BFAR: variants seen among roughly 807,000 people sequenced by gnomAD.
BFAR encodes the protein RING finger protein 47.
BFAR carries 52 observed loss-of-function variants against 54.4 expected under a neutral mutation model. The ratio of observed to expected loss-of-function variants is 0.96; its 90% confidence interval spans 0.77 to 1.21. The LOEUF (loss-of-function observed/expected upper bound fraction) is 1.21. BFAR is among the 50% of genes most tolerant of loss of function. BFAR has a pLI of 0.00. For missense variants in BFAR, 571 were observed against 534.0 expected (o/e 1.07, Z -0.68); for synonymous variants, 215 against 204.3 (o/e 1.05, Z -0.45).
At position 14,635,029 on chromosome 16, in the gene BFAR, G is replaced by T. The variant is rs74817197; in HGVS notation, c.-74+2011G>T. 9.2e-3 allele frequency among the ~76,000 whole-genome samples: 1,401 copies of T among 152,206 alleles called. 24 individuals are homozygous for T. Among genetic ancestry groups the T allele is most frequent in the African/African-American group, 0.032 (1,311 of 41,522 alleles). On this transcript the variant is annotated intron_variant, in intron 1 of 7. Transcript: ENST00000261658. ...TTGTGTTACAGGTGAAGGGAACAAT[G>T]TGAGGATAAGGAAAAATGTCCAAGG...
intron 1 of BFAR, among the ~76,000 whole-genome samples, chr16:14,641,767 A>G (rs534067026): frequency 1.3e-5 from 2 of 151,714 alleles, no homozygotes; most frequent in Admixed American, 6.6e-5. Context: ...AGGCTGAGGC[A>G]GGAGAATCGC....
intron 5 of BFAR, among the ~76,000 whole-genome samples, chr16:14,658,022 AT>A (rs1960177310): frequency 6.6e-6 from 1 of 152,172 alleles, no homozygotes; most frequent in South Asian, 2.1e-4. Context: ...AAGCAGCTAC[AT>A]TGCCTGGGGA....
At chr16:14,660,602 A>T (rs1387933256) in intron 5 of BFAR, among the ~76,000 whole-genome samples, 7 of 90,878 alleles carry the variant, frequency 7.7e-5, no homozygotes, top group Admixed American at 1.3e-4. Flanking sequence ...TTTTTTTTTT[A>T]AAGAAACGAG....
In BFAR at chr16:14,668,838, A is replaced by G; in HGVS notation, c.*1011A>G. 5.7e-6 allele frequency: 1 copy of G among 174,034 alleles called. No homozygotes were observed. The highest frequency in any genetic ancestry group is 9.7e-5 in the South Asian group (1 of 10,296). 10.8% of individuals were successfully genotyped at this position (174,034 alleles called of 1,614,324 possible). A position where few individuals can be genotyped will look rare whatever the true frequency, so the allele number is the denominator to read the frequency against. On this transcript the variant is annotated 3_prime_UTR_variant, in exon 8 of 8. Transcript: ENST00000261658. ...GTGACAGAGGGAGACTCTGTCTTAA[A>G]AAAAAAAAAAAAATCATCTGTAAAA...
At chr16:14,638,284 G>A (rs1959515503) in intron 1 of BFAR, among the ~76,000 whole-genome samples, 2 of 152,224 alleles carry the variant, frequency 1.3e-5, no homozygotes, top group African/African-American at 2.4e-5. Context: ...TTGGGAGGCT[G>A]AGGTGGGAGG....
Position 14,644,259 on chromosome 16 carries a change from G to T in BFAR, c.-73-15G>T. ...TACTATTTGCCTTATTTTTGTCTCT[G>T]TTTTTTTTTTCTAGATTAATGATGT... On this transcript the variant is annotated splice_polypyrimidine_tract_variant and intron_variant, in intron 1 of 7. Transcript: ENST00000261658. 2 of 1,197,224 alleles carry T rather than the reference G, an allele frequency of 1.7e-6. No homozygotes were observed. 74.2% of individuals were successfully genotyped at this position (1,197,224 alleles called of 1,614,324 possible).
intron 5 of BFAR, among the ~76,000 whole-genome samples, chr16:14,660,508 C>T: frequency 6.7e-6 from 1 of 149,740 alleles, no homozygotes; most frequent in African/African-American, 2.4e-5. Flanking sequence ...TGGTCTCGAA[C>T]TCCTGACCTC....
At chr16:14,654,052 C>T (rs35514661) in intron 4 of BFAR, among the ~76,000 whole-genome samples, 12,271 of 145,508 alleles carry the variant, frequency 0.084, 618 homozygotes, top group East Asian at 0.18. Context: ...TGCTCTGTCA[C>T]CCAGGCTGGA....
Position 14,669,125 on chromosome 16 carries a change from C to T in BFAR, c.*1298C>T, listed in dbSNP as rs1299917029. 2.3e-6 allele frequency: 1 copy of T among 430,150 alleles called. No homozygotes were observed. Among genetic ancestry groups the T allele is most frequent in the Non-Finnish European group, 4.7e-6 (1 of 212,568 alleles). The allele number at this position is 430,150 out of a possible 1,614,324, so 26.6% of individuals were successfully genotyped here. On this transcript the variant is annotated 3_prime_UTR_variant, in exon 8 of 8. Transcript: ENST00000261658. ...AATATTATCTTGTGACTCCATGAAC[C>T]ATTCATTAACCCTTTGTATCTTTGA...
At chr16:14,635,820 C>A (rs569112581) in intron 1 of BFAR, among the ~76,000 whole-genome samples, 1 of 151,190 alleles carries the variant, frequency 6.6e-6, no homozygotes, top group Non-Finnish European at 1.5e-5. Context: ...TTAGTAGATA[C>A]GGGGTTTCAC....
At chr16:14,637,072 C>T (rs1959470176) in intron 1 of BFAR, among the ~76,000 whole-genome samples, 1 of 152,162 alleles carries the variant, frequency 6.6e-6, no homozygotes, top group Non-Finnish European at 1.5e-5. Context: ...TATACAGACA[C>T]AGTAACAATC....
intron 6 of BFAR, among the ~76,000 whole-genome samples, chr16:14,664,072 G>A (rs1960367781): frequency 6.6e-6 from 1 of 151,940 alleles, no homozygotes; most frequent in African/African-American, 2.4e-5. Flanking sequence ...GCAAAACCTC[G>A]TCTCTACTAA....
intron 5 of BFAR, among the ~76,000 whole-genome samples, chr16:14,658,363 T>C (rs1346628548): frequency 6.6e-6 from 1 of 152,102 alleles, no homozygotes; most frequent in Non-Finnish European, 1.5e-5. Context: ...TCTTGTCTGC[T>C]CCTTACTGTA....
intron 2 of BFAR, among the ~76,000 whole-genome samples, chr16:14,647,243 C>G (rs1170580087): frequency 1.3e-5 from 2 of 152,002 alleles, no homozygotes; most frequent in Non-Finnish European, 2.9e-5. Flanking sequence ...CACCACCACA[C>G]CCGGTTGATT....
intron 6 of BFAR, among the ~76,000 whole-genome samples, chr16:14,664,279 TACTC>T (rs916476871): frequency 7.3e-5 from 11 of 149,956 alleles, no homozygotes; most frequent in East Asian, 4.0e-4. Flanking sequence ...TACGAGAACA[TACTC>T]AGGAGGCTGA....
At chr16:14,659,644 G>C (rs559461694) in intron 5 of BFAR, among the ~76,000 whole-genome samples, 8 of 150,902 alleles carry the variant, frequency 5.3e-5, no homozygotes, top group Non-Finnish European at 1.0e-4. Context: ...TCCGCCTCCT[G>C]GGTTCACACC....
chr16:14,635,920 GC>G (rs1212797715), intron 1 of BFAR, among the ~76,000 whole-genome samples: 1 of 152,144 alleles, frequency 6.6e-6, no homozygotes, highest in Non-Finnish European at 1.5e-5. Flanking sequence ...ATGAGCCACT[GC>G]CCCGGCCTAA....
intron 5 of BFAR, among the ~76,000 whole-genome samples, chr16:14,656,494 A>G (rs1002192869): frequency 1.3e-5 from 2 of 148,394 alleles, no homozygotes; most frequent in Non-Finnish European, 3.0e-5. Context: ...CTGTTTCAGA[A>G]AAAAAAAAAA....
rs1026376382 is a variant in BFAR, at chr16:14,669,016, C to T, written c.*1189C>T. On this transcript the variant is annotated 3_prime_UTR_variant, in exon 8 of 8. Transcript: ENST00000261658. ...AATATGGCATGAAGTGAACTATGGC[C>T]TTTTATTTCCTTCCAGTGTGAACAC... 1 of 452,460 alleles carries T rather than the reference C, an allele frequency of 2.2e-6. No homozygotes were observed. Among genetic ancestry groups the T allele is most frequent in the Admixed American group, 2.4e-5 (1 of 41,774 alleles). The allele number at this position is 452,460 out of a possible 1,614,324, so 28.0% of individuals were successfully genotyped here. A position where few individuals can be genotyped will look rare whatever the true frequency, so the allele number is the denominator to read the frequency against.
Sources: gnomAD v4.1 joint callset for allele counts (sites outside exome capture counted in the v4.1 genomes callset) on GRCh38, gnomAD v4.1.1 for gene constraint, MANE v1.5 for transcripts, NCBI Gene and HGNC (gene_info 2026-07-23, HGNC 2026-07-21) for gene names.